The following GALNT9 variants were observed in gnomAD, a reference collection of about 807,000 sequenced individuals.
GALNT9 encodes the protein polypeptide N-acetylgalactosaminyltransferase 9, also known as GalNAc transferase 9.
A neutral mutation model predicts 63.1 loss-of-function variants in GALNT9; 47 were observed. That is an observed-to-expected ratio of 0.75 (90% CI 0.59 to 0.95). The LOEUF (loss-of-function observed/expected upper bound fraction) is 0.95. GALNT9 is among the 40% of genes least tolerant of loss of function. GALNT9 has a pLI of 0.00. For synonymous variants in GALNT9, 396 were observed against 365.7 expected (o/e 1.08, Z -0.94); for missense variants, 829 against 874.8 (o/e 0.95, Z 0.66).
chr12:132,226,034 CATACACACT>C (rs1305492082), intron 6 of GALNT9, among the ~76,000 whole-genome samples: 73 of 140,598 alleles, frequency 5.2e-4, no homozygotes, highest in African/African-American at 1.8e-3. Flanking sequence ...ACATACACCC[CATACACACT>C]ATACACACAC....
At chr12:132,308,919 G>T (rs1164601304) in intron 1 of GALNT9, among the ~76,000 whole-genome samples, 2 of 152,144 alleles carry the variant, frequency 1.3e-5, no homozygotes, top group Non-Finnish European at 2.9e-5. Flanking sequence ...GCTCGGGATG[G>T]CCGCACTGTG....
chr12:132,266,310 G>A (rs28405955), intron 2 of GALNT9, among the ~76,000 whole-genome samples: 1,925 of 152,332 alleles, frequency 0.013, 36 homozygotes, highest in South Asian at 0.097. Context: ...TCCGAGCAGC[G>A]CCTTTGCTTT....
intron 6 of GALNT9, among the ~76,000 whole-genome samples, chr12:132,226,127 C>CCA (rs1175368311): frequency 7.0e-6 from 1 of 142,440 alleles, no homozygotes. Context: ...CCCACACACC[C>CCA]CACACTGTAC....
intron 1 of GALNT9, among the ~76,000 whole-genome samples, chr12:132,318,506 A>G (rs1207690229): frequency 6.6e-6 from 1 of 152,252 alleles, no homozygotes; most frequent in Non-Finnish European, 1.5e-5. Context: ...CCATCAGCAC[A>G]GGGCCTCAGG....
chr12:132,261,802 C>T (rs1399164531), intron 3 of GALNT9, among the ~76,000 whole-genome samples: 1 of 152,230 alleles, frequency 6.6e-6, no homozygotes, highest in Non-Finnish European at 1.5e-5. Flanking sequence ...CTGGGAAGGG[C>T]AGATGGGGGA....
chr12:132,291,354 G>A lies in GALNT9; in HGVS notation c.239-4924C>T, dbSNP rs1192807577. On this transcript the variant is annotated intron_variant, in intron 1 of 10. Transcript: ENST00000328957. ...CAGCACCCACAACCACAGCACCCAC[G>A]TCCACAGCACCCACGTCCACAGCAC... Among the ~76,000 whole-genome samples, 39 of 23,914 alleles carry A rather than the reference G, an allele frequency of 1.6e-3. 1 individual carries two copies. Among genetic ancestry groups the A allele is most frequent in the African/African-American group, 0.012 (27 of 2,242 alleles). The allele number at this position is 23,914 out of a possible 152,430, so 15.7% of individuals were successfully genotyped here. A position where few individuals can be genotyped will look rare whatever the true frequency, so the allele number is the denominator to read the frequency against.
intron 5 of GALNT9, among the ~76,000 whole-genome samples, chr12:132,253,979 C>T (rs1593086444): frequency 6.6e-6 from 1 of 152,010 alleles, no homozygotes. Context: ...GCCATGATTC[C>T]CTGACCCCTG....
chr12:132,221,859 G>A (rs955151158), intron 6 of GALNT9, among the ~76,000 whole-genome samples: 3 of 152,014 alleles, frequency 2.0e-5, no homozygotes, highest in Non-Finnish European at 2.9e-5. Context: ...TGCTGGAATC[G>A]AATTTCAGCA....
In GALNT9 at chr12:132,236,796, C is replaced by A. The variant is rs1206419646; in HGVS notation, c.1077+11114G>T. 6.6e-6 allele frequency among the ~76,000 whole-genome samples: 1 copy of A among 152,156 alleles called. No individual in the cohort carries two copies. Among genetic ancestry groups the A allele is most frequent in the Admixed American group, 6.5e-5 (1 of 15,280 alleles). On this transcript the variant is annotated intron_variant, in intron 6 of 10. Transcript: ENST00000328957. This position sits in a 1 kb window ranked among gnomAD's most constrained non-coding sequence, Gnocchi z 5.6. ...CCCCAATTTCAAGTCAGTGGTGATC[C>A]CTGTGGTCTATCCTGGGCATGGCGG...
rs1869198841 is a variant in GALNT9, at chr12:132,329,380, G to C, written c.-177C>G. On this transcript the variant is annotated 5_prime_UTR_variant, in exon 1 of 11. Coordinates refer to ENST00000328957, the MANE Select transcript of GALNT9 (RefSeq NM_001122636.2). ...GCGCGCCGGGCCACGGCCGCCGGGGGTCCCCCAGAGCGCAGAGGGCTGCCC... is the reference window on the plus strand; with the variant it reads ...GCGCGCCGGGCCACGGCCGCCGGGGCTCCCCCAGAGCGCAGAGGGCTGCCC... The C allele has an allele frequency of 3.1e-6, 3 of 954,128 alleles. No homozygotes were observed. In the African/African-American group the frequency reaches 5.2e-5, roughly 17 times the overall value. The allele number at this position is 954,128 out of a possible 1,614,324, so 59.1% of individuals were successfully genotyped here. A position where few individuals can be genotyped will look rare whatever the true frequency, so the allele number is the denominator to read the frequency against.
At chr12:132,229,597 A>C (rs1163169098) in intron 6 of GALNT9, among the ~76,000 whole-genome samples, 16 of 152,098 alleles carry the variant, frequency 1.1e-4, no homozygotes, top group Non-Finnish European at 2.2e-4. Context: ...CGTGACGGGG[A>C]TGGGGCTGGG....
intron 6 of GALNT9, chr12:132,247,672 C>T (rs1175226702): frequency 9.8e-5 from 43 of 440,008 alleles, no homozygotes; most frequent in Non-Finnish European, 1.5e-4. Flanking sequence ...ACCCCGTCCC[C>T]GGATGCCGTG....
intron 1 of GALNT9, among the ~76,000 whole-genome samples, chr12:132,309,809 G>A (rs1555245009): frequency 1.3e-5 from 2 of 152,226 alleles, no homozygotes; most frequent in African/African-American, 4.8e-5. Context: ...CGCACAGGAG[G>A]GCAGAGAAAG....
At chr12:132,204,345 A>AGGGTTGGTTTTGTGTC (rs1303304206) in intron 6 of GALNT9, among the ~76,000 whole-genome samples, 1 of 151,510 alleles carries the variant, frequency 6.6e-6, no homozygotes, top group African/African-American at 2.4e-5. Context: ...CCTGCCTGTG[A>AGGGTTGGTTTTGTGTC]GGGTTGGTTT....
Position 132,283,054 on chromosome 12 carries a change from G to A in GALNT9, c.419+3196C>T, listed in dbSNP as rs550629005. On this transcript the variant is annotated intron_variant, in intron 2 of 10. Transcript: ENST00000328957. ...CGGGGGGACGCAGAGGGTCACACAG[G>A]GCTTCACCCCCAGCTCGGGTTCAGT... 2.0e-5 allele frequency: 3 copies of A among 152,328 alleles called. No homozygotes were observed. The East Asian group carries it at 5.8e-4, about 30-fold the overall frequency. 9.4% of individuals were successfully genotyped at this position (152,328 alleles called of 1,614,324 possible).
In GALNT9 at chr12:132,288,652, G is replaced by A. The variant is rs188969851; in HGVS notation, c.239-2222C>T. ...GTTGGGGGCAGGAGGGTGGCTGAGC[G>A]TGGTTCCGGACGGCTGCCCGATGCC... is the stretch of plus-strand genomic sequence containing the variant. On this transcript the variant is annotated intron_variant, in intron 1 of 10. Coordinates refer to ENST00000328957, the MANE Select transcript of GALNT9 (RefSeq NM_001122636.2). Among the ~76,000 whole-genome samples, 7 of 149,142 alleles carry A rather than the reference G, an allele frequency of 4.7e-5. No individual in the cohort carries two copies. In the South Asian group the frequency reaches 6.5e-4, roughly 14 times the overall value.
chr12:132,237,828 T>G (rs1878061024), intron 6 of GALNT9, among the ~76,000 whole-genome samples: 2 of 152,216 alleles, frequency 1.3e-5, no homozygotes, highest in East Asian at 3.9e-4. Context: ...CGGACAGGCA[T>G]CTGCCAGGCC....
intron 2 of GALNT9, among the ~76,000 whole-genome samples, chr12:132,268,813 C>G (rs2135549623): frequency 6.6e-6 from 1 of 152,278 alleles, no homozygotes; most frequent in Non-Finnish European, 1.5e-5. Flanking sequence ...GGAGCTGCCA[C>G]TCGGAGCCAC....
In GALNT9 at chr12:132,282,430, CGTGCATGCGTGTGTGT is replaced by C. The variant is rs1331440147; in HGVS notation, c.419+3804_419+3819del. Among the ~76,000 whole-genome samples, 5 of 151,876 alleles carry C rather than the reference CGTGCATGCGTGTGTGT, an allele frequency of 3.3e-5. No homozygotes were observed. Among genetic ancestry groups the C allele is most frequent in the African/African-American group, 4.8e-5 (2 of 41,380 alleles). On this transcript the variant is annotated intron_variant, in intron 2 of 10. Coordinates refer to ENST00000328957, the MANE Select transcript of GALNT9 (RefSeq NM_001122636.2). The surrounding 1 kb of genome is among the most constrained non-coding windows in gnomAD (Gnocchi z 4.5). ...GTGTGTGCGTGTGTGTGCGTGTGTGCGTGCATGCGTGTGTGTGCGTGTGCATGTGTGTGTGCACGCA... is the reference window on the plus strand; with the variant it reads ...GTGTGTGCGTGTGTGTGCGTGTGTGCGCGTGTGCATGTGTGTGTGCACGCA...
Sources: allele counts gnomAD v4.1 joint callset (sites outside exome capture counted in the v4.1 genomes callset), GRCh38; gene constraint gnomAD v4.1.1; non-coding constraint Gnocchi (gnomAD v3.1); transcripts MANE v1.5; gene names NCBI Gene and HGNC (gene_info 2026-07-23, HGNC 2026-07-21).